Variants in LRRFIP2 observed in about 807,000 individuals in gnomAD.
LRRFIP2 encodes the protein leucine-rich repeat flightless-interacting protein 2.
Under a neutral mutation model 125.9 loss-of-function variants are expected in LRRFIP2, and 109 were observed. The ratio of observed to expected loss-of-function variants is 0.87; its 90% CI spans 0.74 to 1.01. The LOEUF (loss-of-function observed/expected upper bound fraction) is 1.01, where lower values mean the gene tolerates loss of function less well. Ranked by LOEUF, LRRFIP2 falls within the 50% of genes least tolerant of loss-of-function variation. LRRFIP2 has a pLI of 0.00. For synonymous variants in LRRFIP2, 291 were observed against 293.1 expected, an observed-to-expected ratio of 0.99 and a Z score of 0.07; for missense variants, 850 against 862.3, an observed-to-expected ratio of 0.99 and a Z score of 0.18.
intron 19 of LRRFIP2, among the ~76,000 whole-genome samples, chr3:37,076,124 G>A (rs1257114872): frequency 6.6e-6 from 1 of 152,104 alleles, no homozygotes; most frequent in Non-Finnish European, 1.5e-5. Context: ...AGAACAAACT[G>A]TACAGGAATA....
intron 21 of LRRFIP2, among the ~76,000 whole-genome samples, chr3:37,070,358 C>A (rs933584376): frequency 6.6e-6 from 1 of 151,838 alleles, no homozygotes; most frequent in Admixed American, 6.6e-5. Flanking sequence ...AAGGGATCCA[C>A]CCTCTTTGGC....
At chr3:37,105,723 C>T (rs1020421247) in intron 13 of LRRFIP2, among the ~76,000 whole-genome samples, 200 bp from the exon 14 acceptor site, 11 of 152,100 alleles carry the variant, frequency 7.2e-5, no homozygotes, top group African/African-American at 2.2e-4. Context: ...AATCAGGAGA[C>T]ATTTCCAAAA....
At chr3:37,128,636 G>A (rs913064314) in intron 3 of LRRFIP2, among the ~76,000 whole-genome samples, 1 of 151,818 alleles carries the variant, frequency 6.6e-6, no homozygotes, top group African/African-American at 2.4e-5. Context: ...GTTTTGGTTT[G>A]CTTTTATCTC....
rs2088429738 is a variant in LRRFIP2 at position 37,060,855 on chromosome 3, G to A, written c.1750-1945C>T. On this transcript the variant is annotated intron_variant, in intron 24 of 27. Transcript: ENST00000336686. This position sits in a 1 kb window ranked among gnomAD's most constrained non-coding sequence, Gnocchi z 4.1. ...TGTCTTAATTTTTGGCAATTTCAATGTACATCTAAGTAGAGGATCTCCCTT... is the reference window on the plus strand; with the variant it reads ...TGTCTTAATTTTTGGCAATTTCAATATACATCTAAGTAGAGGATCTCCCTT... Among the ~76,000 whole-genome samples, 1 of 152,102 alleles carries A rather than the reference G, an allele frequency of 6.6e-6. No homozygotes were observed. The highest frequency in any genetic ancestry group is 1.9e-4 in the East Asian group (1 of 5,176).
rs760503455 is a variant in LRRFIP2, at chr3:37,108,056, G to GAGA, written c.714+14_714+16dup. The GAGA allele has an allele frequency of 5.0e-6, 8 of 1,610,284 alleles. No individual in the cohort carries two copies. The Admixed American group carries it at 1.3e-4, about 27-fold the overall frequency. ...ATCAAAAATTTCTACAAAGCATGCA[G>GAGA]AGACTAGACAGCTCACCCCTGGACT... On this transcript the variant is annotated intron_variant, in intron 13 of 27. Coordinates refer to ENST00000336686, the MANE Select transcript of LRRFIP2 (RefSeq NM_006309.4).
chr3:37,070,525 C>A (rs1479784982), intron 21 of LRRFIP2, among the ~76,000 whole-genome samples: 1 of 151,668 alleles, frequency 6.6e-6, no homozygotes, highest in African/African-American at 2.4e-5. Flanking sequence ...CACTTGAGGT[C>A]AGGAGTTCGA....
chr3:37,109,956 C>G (rs917493535), intron 9 of LRRFIP2, among the ~76,000 whole-genome samples: 5 of 152,048 alleles, frequency 3.3e-5, no homozygotes, highest in Non-Finnish European at 7.4e-5. Flanking sequence ...ATGTTTATGT[C>G]CCATTGGTCT....
intron 9 of LRRFIP2, among the ~76,000 whole-genome samples, chr3:37,109,918 C>A (rs926132549): frequency 1.3e-5 from 2 of 152,138 alleles, no homozygotes; most frequent in African/African-American, 4.8e-5. Context: ...TAAGAAACAG[C>A]TGGAACAGTT....
intron 1 of LRRFIP2, chr3:37,172,876 C>A (rs966827567): frequency 6.6e-6 from 1 of 152,136 alleles, no homozygotes; most frequent in African/African-American, 2.4e-5. Context: ...TTGTTCAATT[C>A]CTTCCTTCTG....
intron 2 of LRRFIP2, among the ~76,000 whole-genome samples, chr3:37,131,092 G>C (rs1428208549): frequency 6.6e-6 from 1 of 152,112 alleles, no homozygotes; most frequent in African/African-American, 2.4e-5. Context: ...AATCAGGTTT[G>C]CTACTATCCA....
intron 8 of LRRFIP2, 117 bp downstream of exon 8, chr3:37,112,798 A>T: frequency 1.8e-6 from 1 of 564,732 alleles, no homozygotes; most frequent in Non-Finnish European, 3.1e-6. Context: ...CTGATAAATC[A>T]TGTTTCAGCA....
At chr3:37,103,526 TA>T (rs2094176470) in intron 14 of LRRFIP2, among the ~76,000 whole-genome samples, 1 of 152,086 alleles carries the variant, frequency 6.6e-6, no homozygotes, top group Non-Finnish European at 1.5e-5. Flanking sequence ...ATGAAGGAAA[TA>T]AACTATACCG....
chr3:37,154,453 C>T (rs1343347555), intron 1 of LRRFIP2, among the ~76,000 whole-genome samples: 2 of 152,216 alleles, frequency 1.3e-5, no homozygotes, highest in African/African-American at 2.4e-5. Context: ...AGCACATTAA[C>T]TCCTTCCAGT....
chr3:37,148,656 A>G (rs1050232102), intron 2 of LRRFIP2, among the ~76,000 whole-genome samples: 1 of 152,244 alleles, frequency 6.6e-6, no homozygotes, highest in African/African-American at 2.4e-5. Context: ...CCAAATTACA[A>G]TTCTACTGTC....
chr3:37,131,175 G>T (rs1218847096), intron 2 of LRRFIP2, among the ~76,000 whole-genome samples: 1 of 152,122 alleles, frequency 6.6e-6, no homozygotes, highest in Non-Finnish European at 1.5e-5. Context: ...TACTCTACTT[G>T]CTCCACGTGT....
chr3:37,074,940 A>C, intron 20 of LRRFIP2, 84 bp downstream of exon 20: 7 of 808,610 alleles, frequency 8.7e-6, no homozygotes, highest in African/African-American at 1.7e-5. Flanking sequence ...ATGCATCTTA[A>C]CTCTCCTTCC....
intron 25 of LRRFIP2, among the ~76,000 whole-genome samples, chr3:37,058,536 A>G (rs908976256): frequency 1.6e-4 from 24 of 152,176 alleles, no homozygotes; most frequent in Middle Eastern, 3.4e-3. Flanking sequence ...CTAGCCGGGC[A>G]TGGTGGCAGG....
chr3:37,167,510 C>T (rs1290764443), intron 1 of LRRFIP2, among the ~76,000 whole-genome samples: 1 of 151,306 alleles, frequency 6.6e-6, no homozygotes, highest in African/African-American at 2.4e-5. Flanking sequence ...GAAAATTAGC[C>T]GGGCGTGGTG....
intron 18 of LRRFIP2, among the ~76,000 whole-genome samples, chr3:37,090,310 C>T (rs746562968): frequency 1.3e-5 from 2 of 152,118 alleles, no homozygotes; most frequent in African/African-American, 4.8e-5. Flanking sequence ...CTCACTGCAA[C>T]CTCCACCTTC....
Sources: gnomAD v4.1 joint callset for allele counts (sites outside exome capture counted in the v4.1 genomes callset) on GRCh38, gnomAD v4.1.1 for gene constraint, Gnocchi (gnomAD v3.1) non-coding constraint, MANE v1.5 for transcripts, NCBI Gene and HGNC (gene_info 2026-07-23, HGNC 2026-07-21) for gene names.